Variants in CNTNAP2 observed in about 807,000 individuals in gnomAD.
CNTNAP2 encodes the protein contactin-associated protein-like 2.
CNTNAP2 carries 98 observed loss-of-function variants against 155.2 expected under a neutral mutation model. The observed-to-expected ratio is 0.63, with a 90% CI of 0.54 to 0.75. The LOEUF is 0.75. CNTNAP2 is among the 30% of genes least tolerant of loss of function. The pLI is 0.00. For missense variants in CNTNAP2, 1,727 were observed against 1,688.1 expected (o/e 1.02, Z -0.40); for synonymous variants, 651 against 631.2 (o/e 1.03, Z -0.47).
chr7:147,712,005 C>G (rs1166576002), intron 13 of CNTNAP2, among the ~76,000 whole-genome samples: 2 of 152,146 alleles, frequency 1.3e-5, no homozygotes, highest in African/African-American at 4.8e-5. Context: ...CAATCTGGCT[C>G]TATCCTCTTT....
At chr7:147,931,481 T>C (rs138604628) in intron 14 of CNTNAP2, among the ~76,000 whole-genome samples, 367 of 152,234 alleles carry the variant, frequency 2.4e-3, no homozygotes, top group African/African-American at 8.4e-3. Flanking sequence ...CAGACAAGAA[T>C]ATTACAAGAA....
At chr7:146,456,905 G>C (rs989914916) in intron 1 of CNTNAP2, among the ~76,000 whole-genome samples, 1 of 152,120 alleles carries the variant, frequency 6.6e-6, no homozygotes, top group Non-Finnish European at 1.5e-5. Flanking sequence ...TGGTAGGAAA[G>C]ACAGTCTTAG....
chr7:146,542,251 G>A (rs558234610), intron 1 of CNTNAP2, among the ~76,000 whole-genome samples: 73 of 152,058 alleles, frequency 4.8e-4, no homozygotes, highest in African/African-American at 1.5e-3. Flanking sequence ...CTGGCTGGCA[G>A]CTAGGCTATA....
chr7:147,644,189 A>G (rs945079217), intron 13 of CNTNAP2, among the ~76,000 whole-genome samples: 1 of 152,202 alleles, frequency 6.6e-6, no homozygotes, highest in Non-Finnish European at 1.5e-5. Context: ...AAACAGAGAA[A>G]AATCATTAAT....
At chr7:146,653,784 C>T (rs1385967074) in intron 1 of CNTNAP2, among the ~76,000 whole-genome samples, 4 of 151,936 alleles carry the variant, frequency 2.6e-5, no homozygotes, top group Non-Finnish European at 5.9e-5. Flanking sequence ...ATCATTTAGT[C>T]CTTAAATACA....
chr7:147,523,566 G>C (rs1799265724), intron 11 of CNTNAP2, among the ~76,000 whole-genome samples: 1 of 152,054 alleles, frequency 6.6e-6, no homozygotes, highest in African/African-American at 2.4e-5. Flanking sequence ...TCTGTTCCTG[G>C]AGACAGCTGA....
At chr7:147,257,468 T>C (rs1271586157) in intron 8 of CNTNAP2, among the ~76,000 whole-genome samples, 1 of 152,154 alleles carries the variant, frequency 6.6e-6, no homozygotes, top group Non-Finnish European at 1.5e-5. Flanking sequence ...GCACAGTGGG[T>C]GTGTGCAGGA....
intron 8 of CNTNAP2, among the ~76,000 whole-genome samples, chr7:147,240,996 G>A (rs1244723024): frequency 1.3e-5 from 2 of 152,138 alleles, no homozygotes; most frequent in African/African-American, 4.8e-5. Context: ...ATGGTTCCAT[G>A]TTTATTTGTA....
chr7:146,405,473 T>C (rs555224561), intron 1 of CNTNAP2, among the ~76,000 whole-genome samples: 1 of 152,244 alleles, frequency 6.6e-6, no homozygotes, highest in Non-Finnish European at 1.5e-5. Flanking sequence ...TCATCACACT[T>C]TCATTTGATG....
At chr7:147,443,496 G>A (rs1797678996) in intron 10 of CNTNAP2, among the ~76,000 whole-genome samples, 2 of 152,080 alleles carry the variant, frequency 1.3e-5, no homozygotes, top group Admixed American at 1.3e-4. Context: ...TCAATAATAG[G>A]AAGTTAAAAT....
intron 1 of CNTNAP2, among the ~76,000 whole-genome samples, chr7:146,559,501 G>A (rs538365773): frequency 7.8e-4 from 119 of 151,916 alleles, no homozygotes; most frequent in African/African-American, 2.7e-3. Context: ...CCGGGAGTGC[G>A]GAGGATGCAG....
chr7:147,954,691 T>C (rs960372719), intron 14 of CNTNAP2, among the ~76,000 whole-genome samples: 1 of 152,242 alleles, frequency 6.6e-6, no homozygotes, highest in Non-Finnish European at 1.5e-5. Flanking sequence ...AATTTTATTT[T>C]AATTAACTCT....
At position 146,178,275 on chromosome 7, in the gene CNTNAP2, C is replaced by T. The variant is rs907869296; in HGVS notation, c.97+61302C>T. ...CTTTCAATCTACCGACCTCGTGATC[C>T]GCCTGCCTTGGCCTCCCAAAGTTCT... On this transcript the variant is annotated intron_variant, in intron 1 of 23. Transcript: ENST00000361727. Among the ~76,000 whole-genome samples, 8 of 152,260 alleles carry T rather than the reference C, an allele frequency of 5.3e-5. No homozygotes were observed. The East Asian group carries it at 5.8e-4, about 11-fold the overall frequency.
chr7:146,415,684 T>TTA (rs1004967954), intron 1 of CNTNAP2, among the ~76,000 whole-genome samples: 2 of 151,708 alleles, frequency 1.3e-5, no homozygotes, highest in Admixed American at 1.3e-4. Context: ...CTTATCTTCC[T>TTA]TATAAGTTTA....
At chr7:147,750,061 A>G (rs1233861188) in intron 13 of CNTNAP2, among the ~76,000 whole-genome samples, 1 of 152,238 alleles carries the variant, frequency 6.6e-6, no homozygotes, top group African/African-American at 2.4e-5. Flanking sequence ...TACAGCCATT[A>G]TAAAGGAATG....
chr7:146,465,773 C>T (rs1796708569), intron 1 of CNTNAP2, among the ~76,000 whole-genome samples: 1 of 151,948 alleles, frequency 6.6e-6, no homozygotes, highest in African/African-American at 2.4e-5. Flanking sequence ...TTTTCGTAGT[C>T]CAGAAAATGA....
intron 8 of CNTNAP2, among the ~76,000 whole-genome samples, chr7:147,282,923 C>T (rs1805076757): frequency 6.6e-6 from 1 of 151,756 alleles, no homozygotes; most frequent in Admixed American, 6.6e-5. Flanking sequence ...TGAAATTAGA[C>T]ATAATTTGAA....
rs184196660 is a variant in CNTNAP2, at chr7:146,196,282, T to A, written c.97+79309T>A. Among the ~76,000 whole-genome samples the A allele has an allele frequency of 6.7e-3, 1,016 of 152,320 alleles. 5 individuals carry two copies. The highest frequency in any genetic ancestry group is 0.022 in the South Asian group (104 of 4,828). On this transcript the variant is annotated intron_variant, in intron 1 of 23. Transcript: ENST00000361727. ...CACTTCCATGGAATTACCTTATTTA[T>A]TTTAGGAGCAAAATGGAATGAAATG...
intron 9 of CNTNAP2, among the ~76,000 whole-genome samples, chr7:147,332,286 C>T (rs1795583996): frequency 6.6e-6 from 1 of 152,244 alleles, no homozygotes; most frequent in East Asian, 1.9e-4. Flanking sequence ...TTTGAAGATA[C>T]AGAAAAGAGG....
Sources: gnomAD v4.1 joint callset for allele counts (sites outside exome capture counted in the v4.1 genomes callset) on GRCh38, gnomAD v4.1.1 for gene constraint, MANE v1.5 for transcripts, NCBI Gene and HGNC (gene_info 2026-07-23, HGNC 2026-07-21) for gene names.